The following UBTD2 variants were observed in gnomAD, a reference collection of about 807,000 sequenced individuals.
The protein encoded by UBTD2 is ubiquitin domain containing 2.
UBTD2 carries 9 observed loss-of-function variants against 19.8 expected under a neutral mutation model. The observed-to-expected ratio is 0.46, with a 90% CI of 0.27 to 0.79. The LOEUF is 0.79. Ranked by LOEUF, UBTD2 falls within the 30% of genes least tolerant of loss-of-function variation. The pLI is 0.14. For synonymous variants in UBTD2, 98 were observed against 103.9 expected (o/e 0.94, Z 0.35); for missense variants, 250 against 300.4 (o/e 0.83, Z 1.24).
Position 172,211,947 on chromosome 5 carries a change from A to G in UBTD2, c.588T>C (p.Phe196=). Residue 196 remains phenylalanine (F), a synonymous_variant, in exon 3 of 3, where the codon TTT becomes TTC. Transcript: ENST00000393792. Reference sequence around the variant, plus strand: ...TTTTGTCAGTGAGAGGTCTGCCAGAAAAAAACCACCGCTGACTACCTGGTT... The same window carrying G: ...TTTTGTCAGTGAGAGGTCTGCCAGAGAAAAACCACCGCTGACTACCTGGTT... ...GVEPGSQRWF[F]SGRPLTDKMK... is the part of the protein sequence containing the mutation. 1.2e-6 allele frequency: 2 copies of G among 1,614,170 alleles called. No homozygotes were observed. Among genetic ancestry groups the G allele is most frequent in the Non-Finnish European group, 1.7e-6 (2 of 1,180,034 alleles).
intron 2 of UBTD2, among the ~76,000 whole-genome samples, chr5:172,223,867 G>A (rs1459395752): frequency 1.3e-5 from 2 of 152,098 alleles, no homozygotes; most frequent in Non-Finnish European, 2.9e-5. Flanking sequence ...ACTTGGAAGA[G>A]AACAAAAGAC....
chr5:172,274,880 C>G (rs1224033589), intron 1 of UBTD2, among the ~76,000 whole-genome samples: 1 of 152,006 alleles, frequency 6.6e-6, no homozygotes, highest in East Asian at 1.9e-4. Flanking sequence ...ACTAAAAATA[C>G]AAAAAATTAG....
At chr5:172,215,962 G>C (rs1435212442) in intron 2 of UBTD2, among the ~76,000 whole-genome samples, 1 of 152,100 alleles carries the variant, frequency 6.6e-6, no homozygotes, top group Non-Finnish European at 1.5e-5. Context: ...TCAGGAGTTC[G>C]AGACCAGCCT....
chr5:172,229,802 G>A (rs964623726), intron 2 of UBTD2, among the ~76,000 whole-genome samples: 16 of 152,016 alleles, frequency 1.1e-4, no homozygotes, highest in Admixed American at 3.3e-4. Flanking sequence ...TATTCACTAC[G>A]CAGAAACTGT....
At chr5:172,234,083 G>T in intron 2 of UBTD2, 39 bp downstream of exon 2, 2 of 1,592,294 alleles carry the variant, frequency 1.3e-6, no homozygotes, top group South Asian at 2.2e-5. Flanking sequence ...AAACAAAGTT[G>T]ATTATGTTTC....
intron 1 of UBTD2, among the ~76,000 whole-genome samples, chr5:172,266,555 A>C (rs948973686): frequency 2.6e-5 from 4 of 152,162 alleles, no homozygotes; most frequent in Non-Finnish European, 5.9e-5. Context: ...ACGGTTAAAC[A>C]TAAGTCTGTT....
chr5:172,257,674 G>A (rs183547327), intron 1 of UBTD2, among the ~76,000 whole-genome samples: 22 of 152,220 alleles, frequency 1.4e-4, no homozygotes, highest in African/African-American at 5.3e-4. Context: ...ATCCTGATTG[G>A]TGTGATAGTA....
At chr5:172,242,911 AT>A (rs1772160329) in intron 1 of UBTD2, among the ~76,000 whole-genome samples, 1 of 152,130 alleles carries the variant, frequency 6.6e-6, no homozygotes, top group African/African-American at 2.4e-5. Flanking sequence ...AGTAGTAAGG[AT>A]TCATGAACTT....
At chr5:172,259,252 C>T (rs150786794) in intron 1 of UBTD2, among the ~76,000 whole-genome samples, 2,557 of 152,224 alleles carry the variant, frequency 0.017, 32 homozygotes, top group Non-Finnish European at 0.026. Flanking sequence ...AAGCGATTCT[C>T]CTGCCTCAGC....
At chr5:172,266,884 T>G (rs776758242) in intron 1 of UBTD2, among the ~76,000 whole-genome samples, 1 of 151,722 alleles carries the variant, frequency 6.6e-6, no homozygotes, top group Non-Finnish European at 1.5e-5. Context: ...CAAAAAAAAT[T>G]TAGAGATCAG....
At chr5:172,251,593 A>G (rs1755021218) in intron 1 of UBTD2, among the ~76,000 whole-genome samples, 2 of 150,730 alleles carry the variant, frequency 1.3e-5, no homozygotes, top group South Asian at 2.1e-4. Context: ...AAACCTTCAC[A>G]CCCAGAGACA....
intron 1 of UBTD2, among the ~76,000 whole-genome samples, chr5:172,259,758 A>G (rs1264230150): frequency 6.6e-6 from 1 of 152,028 alleles, no homozygotes; most frequent in Non-Finnish European, 1.5e-5. Flanking sequence ...TTTGGACTGT[A>G]TCAACAGTAA....
At chr5:172,275,462 G>T (rs1019937302) in intron 1 of UBTD2, among the ~76,000 whole-genome samples, 6 of 152,112 alleles carry the variant, frequency 3.9e-5, no homozygotes, top group African/African-American at 1.4e-4. Context: ...AATACAACCA[G>T]ATTAGTTTCA....
chr5:172,257,802 A>T (rs943403040), intron 1 of UBTD2, among the ~76,000 whole-genome samples: 4 of 152,204 alleles, frequency 2.6e-5, no homozygotes, highest in African/African-American at 9.7e-5. Flanking sequence ...TGTTAGCCAC[A>T]GGAATGTCTT....
At chr5:172,244,778 G>C (rs1754831228) in intron 1 of UBTD2, among the ~76,000 whole-genome samples, 1 of 151,968 alleles carries the variant, frequency 6.6e-6, no homozygotes, top group Admixed American at 6.6e-5. Flanking sequence ...CCTCAGGATG[G>C]AGTGCAATGG....
rs1491476371 is a variant in UBTD2, at chr5:172,209,655, CCT to C, written c.*2173_*2174del. ...GGCAAAGACAAAGAGAAAAATTGAACCTTTTTTTTTTTTTTAAAAAAAGCACA... is the reference window on the plus strand; with the variant it reads ...GGCAAAGACAAAGAGAAAAATTGAACTTTTTTTTTTTTTAAAAAAAGCACA... On this transcript the variant is annotated 3_prime_UTR_variant, in exon 3 of 3. Transcript: ENST00000393792. 1 of 131,184 alleles carries C rather than the reference CCT, an allele frequency of 7.6e-6. No individual in the cohort carries two copies. The highest frequency in any genetic ancestry group is 2.7e-4 in the South Asian group (1 of 3,734). The allele number at this position is 131,184 out of a possible 1,614,324, so 8.1% of individuals were successfully genotyped here. A position where few individuals can be genotyped will look rare whatever the true frequency, so the allele number is the denominator to read the frequency against.
At chr5:172,282,258 TTTG>T (rs1466293569) in intron 1 of UBTD2, among the ~76,000 whole-genome samples, 1 of 152,222 alleles carries the variant, frequency 6.6e-6, no homozygotes, top group African/African-American at 2.4e-5. Context: ...ATCTTCCTGC[TTTG>T]TTGTCACTGA....
chr5:172,261,119 C>T (rs1338674771), intron 1 of UBTD2, among the ~76,000 whole-genome samples: 1 of 152,126 alleles, frequency 6.6e-6, no homozygotes, highest in East Asian at 1.9e-4. Context: ...ACTGTAGGTT[C>T]CCCCTCCCCC....
chr5:172,253,515 G>A (rs1429623715), intron 1 of UBTD2, among the ~76,000 whole-genome samples: 1 of 150,698 alleles, frequency 6.6e-6, no homozygotes, highest in African/African-American at 2.4e-5. Context: ...GTGCAGTGGC[G>A]GGATCTCCAC....
Sources: gnomAD v4.1 joint callset for allele counts (sites outside exome capture counted in the v4.1 genomes callset) on GRCh38, gnomAD v4.1.1 for gene constraint, MANE v1.5 for transcripts, NCBI Gene and HGNC (gene_info 2026-07-23, HGNC 2026-07-21) for gene names.